COL4A3: variants seen among roughly 807,000 people sequenced by gnomAD.
COL4A3 encodes collagen alpha-3(IV) chain.
Under a neutral mutation model 217.4 loss-of-function variants are expected in COL4A3, and 135 were observed. The observed-to-expected ratio is 0.62, with a 90% CI of 0.54 to 0.72. COL4A3 has a LOEUF of 0.72. Among genes scored for constraint, COL4A3 ranks in the 30% least tolerant of loss-of-function variants. COL4A3 has a pLI of 0.00. For synonymous variants in COL4A3, 690 were observed against 736.3 expected, an observed-to-expected ratio of 0.94 and a Z score of 1.02; for missense variants, 1,868 against 2,119.9, an observed-to-expected ratio of 0.88 and a Z score of 2.33.
intron 1 of COL4A3, among the ~76,000 whole-genome samples, chr2:227,190,930 A>G (rs1175579043): frequency 6.6e-6 from 1 of 152,230 alleles, no homozygotes; most frequent in African/African-American, 2.4e-5. Context: ...AAATTCTGAA[A>G]AGTTAAAAGG....
At chr2:227,255,258 G>A (rs1265828905) in intron 15 of COL4A3, among the ~76,000 whole-genome samples, 1 of 152,146 alleles carries the variant, frequency 6.6e-6, no homozygotes, top group Admixed American at 6.6e-5. Flanking sequence ...GAACCACCCA[G>A]AGGGAGGGAA....
chr2:227,231,793 A>G (rs13393261), intron 1 of COL4A3, among the ~76,000 whole-genome samples: 48,763 of 152,050 alleles, frequency 0.32, 8,258 homozygotes, highest in Non-Finnish European at 0.36. Context: ...TGGCCTCCCA[A>G]TGTGCTGGGA....
intron 1 of COL4A3, among the ~76,000 whole-genome samples, chr2:227,218,882 C>A (rs1021072877): frequency 2.0e-5 from 3 of 152,014 alleles, no homozygotes; most frequent in Admixed American, 6.5e-5. Flanking sequence ...AATAAAAATT[C>A]TTTTTTCATA....
chr2:227,203,154 T>C (rs188970884), intron 1 of COL4A3, among the ~76,000 whole-genome samples: 1 of 34,810 alleles, frequency 2.9e-5, no homozygotes, highest in Non-Finnish European at 5.3e-5. Context: ...TATGTGTATA[T>C]ATACATATAT....
intron 7 of COL4A3, 84 bp downstream of exon 7, chr2:227,246,822 C>A: frequency 8.3e-7 from 1 of 1,197,792 alleles, no homozygotes; most frequent in South Asian, 1.2e-5. Flanking sequence ...TACACAAATC[C>A]GTCATGACTT....
chr2:227,273,086 TC>T lies in COL4A3; in HGVS notation c.1898del (p.Pro633LeufsTer114). 2 of 1,614,016 alleles carry T rather than the reference TC, an allele frequency of 1.2e-6. No individual in the cohort carries two copies. The highest frequency in any genetic ancestry group is 2.2e-5 in the South Asian group (2 of 91,074). On this transcript the variant is annotated frameshift_variant, in exon 26 of 52. Coordinates refer to ENST00000396578, the MANE Select transcript of COL4A3 (RefSeq NM_000091.5). LOFTEE classifies it high-confidence loss of function. ...CTGGTCTCCAGGGCACGCAAGGAGT[TC>T]CTGGAGCCCCCGGACCACCCGGAGA... ...EPGLQGTQGVPGAPGPPGEAG... is the reference protein window; with the variant it reads ...EPGLQGTQGVXGAPGPPGEAG...
At chr2:227,261,805 A>T (rs2070587470) in intron 20 of COL4A3, among the ~76,000 whole-genome samples, 1 of 152,216 alleles carries the variant, frequency 6.6e-6, no homozygotes, top group African/African-American at 2.4e-5. Flanking sequence ...CATGAGTTGC[A>T]TAAGGATACC....
chr2:227,189,668 G>T (rs1168396988), intron 1 of COL4A3, among the ~76,000 whole-genome samples: 1 of 152,118 alleles, frequency 6.6e-6, no homozygotes, highest in Non-Finnish European at 1.5e-5. Context: ...GCTTGAAATT[G>T]TAAGTAACCT....
chr2:227,229,510 T>G (rs185440914), intron 1 of COL4A3, among the ~76,000 whole-genome samples: 4 of 152,324 alleles, frequency 2.6e-5, no homozygotes, highest in African/African-American at 9.6e-5. Flanking sequence ...GACAAGGGAC[T>G]TCAAGAGGAA....
intron 1 of COL4A3, among the ~76,000 whole-genome samples, chr2:227,235,044 C>T (rs62277843): frequency 0.077 from 11,653 of 152,190 alleles, 557 homozygotes; most frequent in Admixed American, 0.14. Context: ...TACCCAGTAT[C>T]TTGTACCCTT....
chr2:227,274,754 C>G (rs2071458100), intron 26 of COL4A3, among the ~76,000 whole-genome samples: 1 of 152,110 alleles, frequency 6.6e-6, no homozygotes, highest in African/African-American at 2.4e-5. Context: ...CTGCCTCGGC[C>G]TCCCAAAGTG....
At position 227,308,894 on chromosome 2, in the gene COL4A3, A is replaced by T. The variant is rs747663703; in HGVS notation, c.4463-5A>T. The stretch of plus-strand genomic sequence containing the variant: ...AAAGTGATACTCAGTCTGATGTTTC[A>T]TTAGGAACTCTTGGCAGCTGCCTGC... On this transcript the variant is annotated splice_region_variant and splice_polypyrimidine_tract_variant and intron_variant, in intron 48 of 51. Transcript: ENST00000396578. 1 of 1,613,696 alleles carries T rather than the reference A, an allele frequency of 6.2e-7. No individual in the cohort carries two copies. Among genetic ancestry groups the T allele is most frequent in the Admixed American group, 1.7e-5 (1 of 60,030 alleles).
At chr2:227,248,404 T>C (rs1194768148) in intron 8 of COL4A3, 39 bp from the exon 9 acceptor site, 2 of 1,284,802 alleles carry the variant, frequency 1.6e-6, no homozygotes, top group Non-Finnish European at 1.1e-6. Flanking sequence ...TTTGAAAATA[T>C]AACATTGATG....
chr2:227,196,141 A>G (rs1372350086), intron 1 of COL4A3, among the ~76,000 whole-genome samples: 2 of 152,054 alleles, frequency 1.3e-5, no homozygotes, highest in Non-Finnish European at 2.9e-5. Flanking sequence ...GGAGAAAATT[A>G]GTTTTTATAA....
intron 1 of COL4A3, among the ~76,000 whole-genome samples, chr2:227,231,803 AT>A (rs1411060615): frequency 3.3e-5 from 5 of 152,268 alleles, no homozygotes; most frequent in African/African-American, 1.2e-4. Context: ...ATGTGCTGGG[AT>A]TATAGGCGTG....
intron 9 of COL4A3, among the ~76,000 whole-genome samples, chr2:227,249,230 A>ATATATATTTTTTTTTTTTTTTTTT: frequency 6.8e-5 from 1 of 14,692 alleles, no homozygotes; most frequent in Non-Finnish European, 1.2e-4. Flanking sequence ...ATATATATAT[A>ATATATATTTTTTTTTTTTTTTTTT]TTTTTTTTTT....
chr2:227,290,499 C>CA (rs1163342486), intron 36 of COL4A3, among the ~76,000 whole-genome samples: 2 of 151,234 alleles, frequency 1.3e-5, no homozygotes, highest in Middle Eastern at 3.4e-3. Context: ...GACTCCATCT[C>CA]AAAAAAAACC....
intron 1 of COL4A3, among the ~76,000 whole-genome samples, chr2:227,222,165 TG>T (rs1427103694): frequency 0.23 from 15,594 of 67,568 alleles, 1,091 homozygotes; most frequent in South Asian, 0.37. Context: ...ATAATAATAA[TG>T]ATAATGATAA....
In COL4A3 at chr2:227,277,577, A is replaced by G. The variant is rs769823025; in HGVS notation, c.2125+24A>G. 6.3e-6 allele frequency: 9 copies of G among 1,438,318 alleles called. No individual in the cohort carries two copies. The East Asian group carries it at 6.9e-5, about 11-fold the overall frequency. 89.1% of individuals were successfully genotyped at this position (1,438,318 alleles called of 1,614,324 possible). On this transcript the variant is annotated intron_variant, in intron 28 of 51. Transcript: ENST00000396578. ...GGGTAAATTTAAAATTTTTTCAAAC[A>G]TAAAGTTTGTTGTGGATATTTAGAA...
Sources: gnomAD v4.1 joint callset for allele counts (sites outside exome capture counted in the v4.1 genomes callset) on GRCh38, gnomAD v4.1.1 for gene constraint, MANE v1.5 for transcripts, NCBI Gene and HGNC (gene_info 2026-07-23, HGNC 2026-07-21) for gene names.